The following RBFOX1 variants were observed in gnomAD, a reference collection of about 807,000 sequenced individuals.
RBFOX1 encodes the protein RNA binding protein fox-1 homolog 1.
RBFOX1 carries 8 observed loss-of-function variants against 57.7 expected under a neutral mutation model. That is an observed-to-expected ratio of 0.14 (90% CI 0.08 to 0.25). The LOEUF (loss-of-function observed/expected upper bound fraction) is 0.25. Among genes scored for constraint, RBFOX1 ranks in the 10% least tolerant of loss-of-function variants. RBFOX1 has a pLI of 1.00. For missense variants in RBFOX1, 611 were observed against 548.5 expected (o/e 1.11, Z -1.14); for synonymous variants, 326 against 222.4 (o/e 1.47, Z -4.15).
At chr16:5,332,332 A>G (rs551015872) in intron 1 of RBFOX1, among the ~76,000 whole-genome samples, 16 of 151,984 alleles carry the variant, frequency 1.1e-4, no homozygotes, top group Non-Finnish European at 2.2e-4. Context: ...CAGTGGTGTG[A>G]TCTCGACTCA....
In RBFOX1 at chr16:7,325,271, T is replaced by A. The variant is rs543791045; in HGVS notation, c.28-192876T>A. Among the ~76,000 whole-genome samples, 3 of 152,342 alleles carry A rather than the reference T, an allele frequency of 2.0e-5. No individual in the cohort carries two copies. In the South Asian group the frequency reaches 6.2e-4, roughly 32 times the overall value. ...CCATGTGTTATGGCTACTCGTGATA[T>A]TCTTATTTCGCAGATAATAAATCTG... On this transcript the variant is annotated intron_variant, in intron 4 of 15. Transcript: ENST00000550418.
At chr16:6,483,192 C>A (rs578032098) in intron 2 of RBFOX1, 3 of 1,169,820 alleles carry the variant, frequency 2.6e-6, no homozygotes, top group East Asian at 9.7e-5. Context: ...TTGGCGCGGA[C>A]AGAGGCCGAG....
intron 1 of RBFOX1, among the ~76,000 whole-genome samples, chr16:6,098,938 C>G (rs2096275201): frequency 6.6e-6 from 1 of 152,168 alleles, no homozygotes; most frequent in Non-Finnish European, 1.5e-5. Flanking sequence ...ACGGCCTGGA[C>G]TGCACTTCGT....
intron 2 of RBFOX1, among the ~76,000 whole-genome samples, chr16:5,562,637 C>G (rs1264586844): frequency 6.6e-6 from 1 of 152,122 alleles, no homozygotes; most frequent in East Asian, 1.9e-4. Context: ...GCTAGGGAGT[C>G]TTCCTTAAGG....
chr16:6,715,246 A>G (rs758097756), intron 3 of RBFOX1, among the ~76,000 whole-genome samples: 2 of 141,774 alleles, frequency 1.4e-5, no homozygotes, highest in Non-Finnish European at 3.0e-5. Context: ...CCCTGAGGCA[A>G]TGCAGGATAA....
At chr16:5,919,479 A>G (rs1205026253) in intron 4 of RBFOX1, among the ~76,000 whole-genome samples, 1 of 152,040 alleles carries the variant, frequency 6.6e-6, no homozygotes, top group Non-Finnish European at 1.5e-5. Context: ...AGTAGCTGGG[A>G]GTACAGGCAT....
chr16:5,678,605 G>T (rs1243337107), intron 3 of RBFOX1, among the ~76,000 whole-genome samples: 1 of 152,168 alleles, frequency 6.6e-6, no homozygotes, highest in Non-Finnish European at 1.5e-5. Context: ...TCCTCTGGGT[G>T]CTTGAGCCCG....
At chr16:6,957,684 C>G (rs373730283) in intron 3 of RBFOX1, among the ~76,000 whole-genome samples, 3 of 152,090 alleles carry the variant, frequency 2.0e-5, no homozygotes, top group South Asian at 4.1e-4. Context: ...ATGCCTTAAC[C>G]TCAGGGGAAA....
At chr16:7,571,846 A>G (rs1424881537) in intron 5 of RBFOX1, among the ~76,000 whole-genome samples, 1 of 152,098 alleles carries the variant, frequency 6.6e-6, no homozygotes, top group Non-Finnish European at 1.5e-5. Context: ...AACAAAAGCT[A>G]GGCCCGGCGC....
At chr16:7,098,201 G>C (rs1280145163) in intron 4 of RBFOX1, among the ~76,000 whole-genome samples, 1 of 152,146 alleles carries the variant, frequency 6.6e-6, no homozygotes, top group Non-Finnish European at 1.5e-5. Flanking sequence ...ACAGAGTCTA[G>C]CTCTGTCATC....
rs531303920 is a variant in RBFOX1, at chr16:6,670,173, C to T, written c.-16+15523C>T. Among the ~76,000 whole-genome samples the T allele has an allele frequency of 2.4e-4, 36 of 151,874 alleles. 1 individual carries two copies. Among genetic ancestry groups the T allele is most frequent in the African/African-American group, 8.4e-4 (35 of 41,470 alleles). On this transcript the variant is annotated intron_variant, in intron 3 of 15. Coordinates refer to ENST00000550418, the MANE Select transcript of RBFOX1 (RefSeq NM_018723.4). ...TGTTGTACTTACTCAGTGTGATCCT[C>T]CTACATCAGCTTCCCAAGTAGCTGG...
chr16:6,112,163 C>T (rs2152575005), intron 1 of RBFOX1, among the ~76,000 whole-genome samples: 1 of 152,230 alleles, frequency 6.6e-6, no homozygotes, highest in Non-Finnish European at 1.5e-5. Context: ...TTAAGTTCTT[C>T]ATTGTTATGA....
intron 2 of RBFOX1, among the ~76,000 whole-genome samples, chr16:6,401,514 T>C (rs1225632990): frequency 1.3e-5 from 2 of 152,194 alleles, no homozygotes; most frequent in Non-Finnish European, 1.5e-5. Context: ...AAATGATCTT[T>C]TATTTGGATT....
At chr16:6,000,696 G>T (rs2060583198) in intron 4 of RBFOX1, among the ~76,000 whole-genome samples, 1 of 151,792 alleles carries the variant, frequency 6.6e-6, no homozygotes, top group African/African-American at 2.4e-5. Flanking sequence ...TGGATGGGTG[G>T]ATGAGTGGGT....
At position 7,489,813 on chromosome 16, in the gene RBFOX1, G is replaced by A. The variant is rs554169302; in HGVS notation, c.28-28334G>A. On this transcript the variant is annotated intron_variant, in intron 4 of 15. Transcript: ENST00000550418. ...TGGGATTACAGGTGTGAGCCACCAC[G>A]CCCAGCTAAGTTATGCATATTATCT... is the stretch of plus-strand genomic sequence containing the variant. Among the ~76,000 whole-genome samples the A allele has an allele frequency of 1.1e-4, 17 of 151,738 alleles. No individual in the cohort carries two copies. In the South Asian group the frequency reaches 2.5e-3, roughly 22 times the overall value.
intron 3 of RBFOX1, among the ~76,000 whole-genome samples, chr16:6,725,885 G>C (rs1348413724): frequency 6.6e-6 from 1 of 152,146 alleles, no homozygotes; most frequent in Non-Finnish European, 1.5e-5. Context: ...TATCAGAGAT[G>C]ATACTTGGTA....
chr16:6,298,026 C>G (rs1486679073), intron 1 of RBFOX1, among the ~76,000 whole-genome samples: 2 of 152,348 alleles, frequency 1.3e-5, no homozygotes, highest in Admixed American at 6.5e-5. Context: ...AGCTGTTGCA[C>G]TGGTCCTCTG....
intron 4 of RBFOX1, among the ~76,000 whole-genome samples, chr16:7,268,101 A>T (rs767274615): frequency 6.6e-6 from 1 of 152,142 alleles, no homozygotes; most frequent in Non-Finnish European, 1.5e-5. Flanking sequence ...TGTGCTGAAT[A>T]TGGTAGGCAT....
intron 3 of RBFOX1, among the ~76,000 whole-genome samples, chr16:6,920,844 G>C (rs545341456): frequency 6.6e-6 from 1 of 152,192 alleles, no homozygotes; most frequent in African/African-American, 2.4e-5. Context: ...CCTTAACTTA[G>C]TTACACCACC....
Sources: gnomAD v4.1 joint callset for allele counts (sites outside exome capture counted in the v4.1 genomes callset) on GRCh38, gnomAD v4.1.1 for gene constraint, MANE v1.5 for transcripts, NCBI Gene and HGNC (gene_info 2026-07-23, HGNC 2026-07-21) for gene names.